The following GPD2 variants were observed in gnomAD, a reference collection of about 807,000 sequenced individuals.
GPD2 encodes the protein glycerol-3-phosphate dehydrogenase 2.
Under a neutral mutation model 82.4 loss-of-function variants are expected in GPD2, and 54 were observed. The ratio of observed to expected loss-of-function variants is 0.66; its 90% CI spans 0.53 to 0.82. The LOEUF is 0.82. GPD2 is among the 40% of genes least tolerant of loss of function. The probability of loss-of-function intolerance (pLI) is 0.00; values close to 1 mark genes in which losing one functional copy is unlikely to be tolerated. For synonymous variants in GPD2, 288 were observed against 306.1 expected, an observed-to-expected ratio of 0.94 and a Z score of 0.62; for missense variants, 748 against 896.2, an observed-to-expected ratio of 0.83 and a Z score of 2.11.
At chr2:156,576,097 A>G (rs2105373514) in intron 13 of GPD2, among the ~76,000 whole-genome samples, 1 of 152,378 alleles carries the variant, frequency 6.6e-6, no homozygotes, top group South Asian at 2.1e-4. Context: ...GATAGATTTG[A>G]CAAGGCTTAA....
rs1284812015 is a variant in GPD2 at position 156,510,937 on chromosome 2, G to C, written c.399+17G>C. ...ATTGAGCAGGTAATTGTGTATGCTG[G>C]TTGTTAAACAAAAATTGCAACTGTG... is the stretch of plus-strand genomic sequence containing the variant. On this transcript the variant is annotated intron_variant, in intron 4 of 16. Transcript: ENST00000438166. The C allele has an allele frequency of 1.2e-6, 2 of 1,612,098 alleles. No homozygotes were observed. Among genetic ancestry groups the C allele is most frequent in the African/African-American group, 2.7e-5 (2 of 74,864 alleles).
chr2:156,409,788 C>T, the GPD2 span, among the ~76,000 whole-genome samples: 1 of 152,310 alleles, frequency 6.6e-6, no homozygotes, highest in Admixed American at 6.5e-5. Flanking sequence ...ATAAACTATT[C>T]TCCAAAGTTA....
chr2:156,471,838 G>T (rs1558914953), intron 1 of GPD2, among the ~76,000 whole-genome samples: 1 of 152,148 alleles, frequency 6.6e-6, no homozygotes, highest in Non-Finnish European at 1.5e-5. Flanking sequence ...TAATCCTACA[G>T]ATAGATTAAT....
intron 2 of GPD2, among the ~76,000 whole-genome samples, chr2:156,484,025 T>A (rs1683837043): frequency 1.4e-5 from 2 of 141,624 alleles, no homozygotes; most frequent in Non-Finnish European, 3.1e-5. Flanking sequence ...AGATTGCTTT[T>A]AACTTTGTAA....
At chr2:156,495,650 TCAC>T in intron 2 of GPD2, 1 of 448,986 alleles carries the variant, frequency 2.2e-6, no homozygotes, top group Non-Finnish European at 4.5e-6. Context: ...TCCTCCTCCT[TCAC>T]CACTTTAATA....
intron 6 of GPD2, among the ~76,000 whole-genome samples, chr2:156,543,934 A>G (rs1393250296): frequency 6.6e-6 from 1 of 152,238 alleles, no homozygotes; most frequent in East Asian, 1.9e-4. Context: ...AGTTCCAAAC[A>G]TACAGTTTTG....
At position 156,579,674 on chromosome 2, in the gene GPD2, C is replaced by T; in HGVS notation, c.1960-16C>T. 8.7e-7 allele frequency: 1 copy of T among 1,144,854 alleles called. No individual in the cohort carries two copies. Among genetic ancestry groups the T allele is most frequent in the Non-Finnish European group, 1.3e-6 (1 of 751,830 alleles). 70.9% of individuals were successfully genotyped at this position (1,144,854 alleles called of 1,614,324 possible). A position where few individuals can be genotyped will look rare whatever the true frequency, so the allele number is the denominator to read the frequency against. On this transcript the variant is annotated splice_polypyrimidine_tract_variant and intron_variant, in intron 15 of 16. Transcript: ENST00000438166. Reference sequence around the variant, plus strand: ...TTTAATCAAACTGTATTATTCTATGCTTTTCTTTTACTTAGAGTATCAATG... The same window carrying T: ...TTTAATCAAACTGTATTATTCTATGTTTTTCTTTTACTTAGAGTATCAATG...
intron 1 of GPD2, among the ~76,000 whole-genome samples, chr2:156,447,592 C>T (rs545030886): frequency 6.6e-6 from 1 of 152,208 alleles, no homozygotes; most frequent in South Asian, 2.1e-4. Context: ...TCCTTAGCCT[C>T]CCAAAGTGCT....
At chr2:156,570,368 T>C in intron 12 of GPD2, 150 bp downstream of exon 12, 1 of 655,308 alleles carries the variant, frequency 1.5e-6, no homozygotes, top group Non-Finnish European at 2.7e-6. Context: ...ATATAGATCC[T>C]TTTATTTATA....
At chr2:156,549,301 A>G (rs191629601) in intron 6 of GPD2, among the ~76,000 whole-genome samples, 4 of 152,344 alleles carry the variant, frequency 2.6e-5, no homozygotes, top group African/African-American at 9.6e-5. Context: ...TGACATATAC[A>G]TATGTTCCAA....
chr2:156,521,403 ATAAAT>A (rs1039473218), intron 6 of GPD2, among the ~76,000 whole-genome samples: 1 of 152,230 alleles, frequency 6.6e-6, no homozygotes, highest in Admixed American at 6.5e-5. Flanking sequence ...TTACACATCT[ATAAAT>A]TTAGGCTTAT....
At chr2:156,482,368 C>T (rs577680071) in intron 2 of GPD2, among the ~76,000 whole-genome samples, 16 of 152,160 alleles carry the variant, frequency 1.1e-4, no homozygotes, top group African/African-American at 3.9e-4. Context: ...CCTTGAATTT[C>T]CCACTGTTTC....
intron 1 of GPD2, among the ~76,000 whole-genome samples, chr2:156,469,000 C>G (rs1683237001): frequency 6.6e-6 from 1 of 152,192 alleles, no homozygotes; most frequent in Admixed American, 6.5e-5. Context: ...GGTAGCCATC[C>G]TCTACTCTCT....
chr2:156,525,682 A>G (rs577785054), intron 6 of GPD2, among the ~76,000 whole-genome samples: 5 of 152,214 alleles, frequency 3.3e-5, no homozygotes, highest in Admixed American at 2.0e-4. Flanking sequence ...CATACGGACA[A>G]ATTACTGTCT....
chr2:156,567,394 C>T (rs1410921178), intron 9 of GPD2, among the ~76,000 whole-genome samples: 1 of 151,894 alleles, frequency 6.6e-6, no homozygotes, highest in Non-Finnish European at 1.5e-5. Flanking sequence ...AGATAAGGGT[C>T]CACCTTCATT....
upstream of GPD2, chr2:156,435,560 AC>A (rs1275880014): frequency 1.3e-5 from 2 of 150,484 alleles, no homozygotes; most frequent in South Asian, 2.1e-4. Flanking sequence ...TCAGCATTCC[AC>A]CCCCTGGAGC....
In GPD2 at chr2:156,569,347, A is replaced by T; in HGVS notation, c.1301-16A>T. ...GGGGTGGCAACCTGATGAATTGTCT[A>T]TCAATTTCTTTATAGGTGGAAAGTG... On this transcript the variant is annotated splice_polypyrimidine_tract_variant and intron_variant, in intron 10 of 16. Transcript: ENST00000438166. The T allele has an allele frequency of 6.4e-7, 1 of 1,572,964 alleles. No homozygotes were observed. Among genetic ancestry groups the T allele is most frequent in the South Asian group, 1.1e-5 (1 of 90,280 alleles).
chr2:156,421,355 A>T, the GPD2 span, among the ~76,000 whole-genome samples: 1 of 152,234 alleles, frequency 6.6e-6, no homozygotes, highest in Non-Finnish European at 1.5e-5. Context: ...TCCATACACT[A>T]AATTAAAAAC....
At position 156,561,615 on chromosome 2, in the gene GPD2, A is replaced by G. The variant is rs368413428; in HGVS notation, c.1165+4033A>G. ...AACTAGAGGAGGTTTCCTGTCTCAT[A>G]ACTAATCCCTTGGGCCAGTCTTCTT... is the stretch of plus-strand genomic sequence containing the variant. On this transcript the variant is annotated intron_variant, in intron 9 of 16. Transcript: ENST00000438166. Among the ~76,000 whole-genome samples the G allele has an allele frequency of 1.2e-4, 19 of 152,312 alleles. No homozygotes were observed. The East Asian group carries it at 3.3e-3, about 26-fold the overall frequency.
Sources: allele counts gnomAD v4.1 joint callset (sites outside exome capture counted in the v4.1 genomes callset), GRCh38; gene constraint gnomAD v4.1.1; transcripts MANE v1.5; gene names NCBI Gene and HGNC (gene_info 2026-07-23, HGNC 2026-07-21).